WWP1: variants seen among roughly 807,000 people sequenced by gnomAD.
WWP1 encodes the protein NEDD4-like E3 ubiquitin-protein ligase WWP1.
In WWP1, 49 loss-of-function variants were observed where a neutral mutation model predicts 130.6. That is an observed-to-expected ratio of 0.38 (90% CI 0.30 to 0.48). The LOEUF (loss-of-function observed/expected upper bound fraction) is 0.48, where lower values mean the gene tolerates loss of function less well. Ranked by LOEUF, WWP1 falls within the 20% of genes least tolerant of loss-of-function variation. The pLI is 0.99. For synonymous variants in WWP1, 332 were observed against 367.8 expected (o/e 0.90, Z 1.11); for missense variants, 809 against 1,100.6 (o/e 0.74, Z 3.75).
chr8:86,386,716 T>TA (rs1184387209), intron 5 of WWP1: 2 of 152,114 alleles, frequency 1.3e-5, no homozygotes, highest in Non-Finnish European at 2.9e-5. Flanking sequence ...AAACTTTGAG[T>TA]ATCATTCAGT....
intron 10 of WWP1, among the ~76,000 whole-genome samples, chr8:86,426,329 A>T (rs1233676222): frequency 6.6e-6 from 1 of 152,220 alleles, no homozygotes; most frequent in Admixed American, 6.5e-5. Context: ...AGCGTCTATT[A>T]TTCTCTTTGT....
rs1216510081 is a variant in WWP1, at chr8:86,364,797, A to T, written c.-114-4142A>T. Among the ~76,000 whole-genome samples, 6 of 150,070 alleles carry T rather than the reference A, an allele frequency of 4.0e-5. No individual in the cohort carries two copies. In the East Asian group the frequency reaches 1.2e-3, roughly 29 times the overall value. On this transcript the variant is annotated intron_variant, in intron 1 of 24. Coordinates refer to ENST00000517970, the MANE Select transcript of WWP1 (RefSeq NM_007013.4). ...CTCTATCCTGGGCGACAAAAGTGAG[A>T]CCCTGCCTCGAAAGAAAGAAAGAAA...
intron 5 of WWP1, among the ~76,000 whole-genome samples, chr8:86,385,660 G>C (rs1389051472): frequency 6.6e-6 from 1 of 152,176 alleles, no homozygotes; most frequent in African/African-American, 2.4e-5. Flanking sequence ...GAAAGTTATT[G>C]TAGGAATCTG....
In WWP1 at chr8:86,452,682, T is replaced by C. The variant is rs1811238131; in HGVS notation, c.2394+3T>C. ...ACTTCGATGAAAAAGAATTAGAGGTTAGGCCCTTTTATTATGCTATTGTAG... is the reference window on the plus strand; with the variant it reads ...ACTTCGATGAAAAAGAATTAGAGGTCAGGCCCTTTTATTATGCTATTGTAG... On this transcript the variant is annotated splice_donor_region_variant and intron_variant, in intron 21 of 24. Coordinates refer to ENST00000517970, the MANE Select transcript of WWP1 (RefSeq NM_007013.4). The C allele has an allele frequency of 6.2e-7, 1 of 1,611,962 alleles. No individual in the cohort carries two copies. The highest frequency in any genetic ancestry group is 8.5e-7 in the Non-Finnish European group (1 of 1,179,188).
intron 16 of WWP1, among the ~76,000 whole-genome samples, chr8:86,438,093 C>T (rs1306620501): frequency 1.3e-5 from 2 of 152,142 alleles, no homozygotes; most frequent in Non-Finnish European, 2.9e-5. Flanking sequence ...AGGCACCACA[C>T]CCGGCCTGTA....
In WWP1 at chr8:86,358,672, A is replaced by T. The variant is rs1346153712; in HGVS notation, c.-114-10267A>T. 2.6e-5 allele frequency among the ~76,000 whole-genome samples: 4 copies of T among 151,686 alleles called. No homozygotes were observed. In the East Asian group the frequency reaches 7.8e-4, roughly 29 times the overall value. Reference sequence around the variant, plus strand: ...TTTTAATTTCCTTTATTTTGGGTATATATAATTCTATTTTTTTGTAGAGAC... The same window carrying T: ...TTTTAATTTCCTTTATTTTGGGTATTTATAATTCTATTTTTTTGTAGAGAC... On this transcript the variant is annotated intron_variant, in intron 1 of 24. Coordinates refer to ENST00000517970, the MANE Select transcript of WWP1 (RefSeq NM_007013.4).
At chr8:86,357,864 C>T (rs1331149353) in intron 1 of WWP1, among the ~76,000 whole-genome samples, 2 of 152,150 alleles carry the variant, frequency 1.3e-5, no homozygotes, top group African/African-American at 4.8e-5. Flanking sequence ...GATAGTTTTC[C>T]TTGTAAAGTA....
chr8:86,385,498 A>T (rs959895355), intron 5 of WWP1, among the ~76,000 whole-genome samples: 2 of 152,242 alleles, frequency 1.3e-5, no homozygotes, highest in East Asian at 1.9e-4. Context: ...ACATTTTTTT[A>T]AAAAAAGTTT....
chr8:86,456,230 A>G (rs1811435552), intron 21 of WWP1, among the ~76,000 whole-genome samples: 2 of 151,506 alleles, frequency 1.3e-5, no homozygotes, highest in Non-Finnish European at 2.9e-5. Flanking sequence ...TTAGAACACA[A>G]AAAGCAATAA....
At chr8:86,463,553 G>T (rs919383656) in intron 24 of WWP1, among the ~76,000 whole-genome samples, 3 of 151,946 alleles carry the variant, frequency 2.0e-5, no homozygotes, top group Non-Finnish European at 4.4e-5. Context: ...TGATCTGCCC[G>T]CCTTGGCCTC....
rs568376338 is a variant in WWP1, at chr8:86,439,216, G to A, written c.1838+543G>A. Among the ~76,000 whole-genome samples the A allele has an allele frequency of 3.4e-3, 518 of 152,098 alleles. 4 individuals carry two copies. The highest frequency in any genetic ancestry group is 0.011 in the African/African-American group (462 of 41,518). ...AAATTAGCCAGGCGTGGTGGTGGGC[G>A]CCTGTAGTTCCAGCTACTCGGGAGG... On this transcript the variant is annotated intron_variant, in intron 17 of 24. Transcript: ENST00000517970.
chr8:86,407,518 A>G (rs1808347121), intron 8 of WWP1, among the ~76,000 whole-genome samples: 1 of 152,166 alleles, frequency 6.6e-6, no homozygotes, highest in Non-Finnish European at 1.5e-5. Flanking sequence ...CCTAGTTGTG[A>G]TGACCAAATG....
intron 4 of WWP1, 122 bp downstream of exon 4, chr8:86,380,986 AT>A: frequency 8.2e-7 from 1 of 1,222,384 alleles, no homozygotes; most frequent in Non-Finnish European, 1.1e-6. Flanking sequence ...TGGATCGACA[AT>A]TTAAAGTATG....
chr8:86,428,014 T>C (rs903420856), intron 11 of WWP1, among the ~76,000 whole-genome samples, 197 bp downstream of exon 11: 2 of 151,904 alleles, frequency 1.3e-5, no homozygotes, highest in African/African-American at 2.4e-5. Flanking sequence ...CTTTATAATA[T>C]TTTAAAATAT....
At chr8:86,407,556 G>C (rs1317795616) in intron 8 of WWP1, among the ~76,000 whole-genome samples, 2 of 152,124 alleles carry the variant, frequency 1.3e-5, no homozygotes, top group Non-Finnish European at 1.5e-5. Context: ...AAATGTCTTT[G>C]GCGGTGGGGA....
chr8:86,361,350 C>T (rs989432466), intron 1 of WWP1, among the ~76,000 whole-genome samples: 1 of 152,144 alleles, frequency 6.6e-6, no homozygotes, highest in African/African-American at 2.4e-5. Flanking sequence ...AGATTCTGCT[C>T]CTCAATACCT....
intron 5 of WWP1, among the ~76,000 whole-genome samples, chr8:86,382,738 A>G (rs1825052838): frequency 6.6e-6 from 1 of 152,222 alleles, no homozygotes; most frequent in African/African-American, 2.4e-5. Flanking sequence ...TATGATTTTT[A>G]AATACCATGT....
intron 5 of WWP1, among the ~76,000 whole-genome samples, chr8:86,395,907 A>G (rs1333060893): frequency 6.6e-6 from 1 of 152,202 alleles, no homozygotes; most frequent in African/African-American, 2.4e-5. Context: ...CAAGAAATAC[A>G]CACTAAAGAG....
At chr8:86,360,507 A>T (rs1333855962) in intron 1 of WWP1, among the ~76,000 whole-genome samples, 1 of 152,154 alleles carries the variant, frequency 6.6e-6, no homozygotes, top group African/African-American at 2.4e-5. Context: ...CCCCCTATGC[A>T]GTAGGCCTTT....
Sources: gnomAD v4.1 joint callset for allele counts (sites outside exome capture counted in the v4.1 genomes callset) on GRCh38, gnomAD v4.1.1 for gene constraint, MANE v1.5 for transcripts, NCBI Gene and HGNC (gene_info 2026-07-23, HGNC 2026-07-21) for gene names.